PDLIM5: variants seen among roughly 807,000 people sequenced by gnomAD.
PDLIM5 encodes PDZ and LIM domain 5, also known as PDZ and LIM domain protein 5.
In PDLIM5, 34 loss-of-function variants were observed where a neutral mutation model predicts 64.2. The ratio of observed to expected loss-of-function variants is 0.53; its 90% CI spans 0.40 to 0.71. The LOEUF (loss-of-function observed/expected upper bound fraction) is 0.71, where lower values mean the gene tolerates loss of function less well. Among genes scored for constraint, PDLIM5 ranks in the 30% least tolerant of loss-of-function variants. PDLIM5 has a pLI of 0.00. For missense variants in PDLIM5, 683 were observed against 733.6 expected, an observed-to-expected ratio of 0.93 and a Z score of 0.80; for synonymous variants, 253 against 269.1, an observed-to-expected ratio of 0.94 and a Z score of 0.59.
chr4:94,571,058 T>C (rs1437412914), intron 3 of PDLIM5, among the ~76,000 whole-genome samples: 2 of 152,362 alleles, frequency 1.3e-5, no homozygotes, highest in East Asian at 3.9e-4. Flanking sequence ...ACTACATTAA[T>C]TAGTTAAAAA....
intron 2 of PDLIM5, among the ~76,000 whole-genome samples, chr4:94,498,283 T>G (rs1390191813): frequency 6.6e-6 from 1 of 152,176 alleles, no homozygotes; most frequent in African/African-American, 2.4e-5. Flanking sequence ...AAATGAAAAA[T>G]AAATTTATTT....
intron 2 of PDLIM5, among the ~76,000 whole-genome samples, chr4:94,471,391 TA>T (rs1006552729): frequency 9.2e-4 from 135 of 146,534 alleles, no homozygotes; most frequent in Admixed American, 1.3e-3. Context: ...TTTCTAGGCT[TA>T]AAAAAAAAAA....
chr4:94,582,844 C>T, intron 5 of PDLIM5: 1 of 722,088 alleles, frequency 1.4e-6, no homozygotes, highest in Non-Finnish European at 2.4e-6. Context: ...TAAGAATTTT[C>T]AAAAATGTTA....
Position 94,666,286 on chromosome 4 carries a change from A to C in PDLIM5, c.*2219A>C, listed in dbSNP as rs1743077302. 2 of 363,658 alleles carry C rather than the reference A, an allele frequency of 5.5e-6. No individual in the cohort carries two copies. The allele number at this position is 363,658 out of a possible 1,614,324, so 22.5% of individuals were successfully genotyped here. A position where few individuals can be genotyped will look rare whatever the true frequency, so the allele number is the denominator to read the frequency against. On this transcript the variant is annotated 3_prime_UTR_variant, in exon 13 of 13. Coordinates refer to ENST00000317968, the MANE Select transcript of PDLIM5 (RefSeq NM_006457.5). ...TTATATTATATGCAGATAATAATTA[A>C]CTGGGGATAAAAGAATGGCAAGGGG...
intron 9 of PDLIM5, among the ~76,000 whole-genome samples, chr4:94,647,417 A>G (rs962215594): frequency 5.3e-5 from 8 of 152,192 alleles, no homozygotes; most frequent in African/African-American, 1.9e-4. Flanking sequence ...AGTACATTTT[A>G]TAATGATAAA....
intron 2 of PDLIM5, among the ~76,000 whole-genome samples, chr4:94,475,966 A>T (rs1725287610): frequency 6.6e-6 from 1 of 152,184 alleles, no homozygotes; most frequent in South Asian, 2.1e-4. Context: ...CAGTTTTGTT[A>T]TGCCTTCTCT....
chr4:94,518,805 A>C (rs2433324), intron 2 of PDLIM5, among the ~76,000 whole-genome samples: 41,149 of 151,994 alleles, frequency 0.27, 5,642 homozygotes, highest in Non-Finnish European at 0.3. Context: ...TCACTTTCCA[A>C]CACCGGGGAC....
intron 7 of PDLIM5, among the ~76,000 whole-genome samples, chr4:94,604,364 T>C (rs1737741254): frequency 6.6e-6 from 1 of 152,196 alleles, no homozygotes; most frequent in South Asian, 2.1e-4. Flanking sequence ...CTGGGTGTGG[T>C]GGCTCACGCC....
At chr4:94,583,151 T>C (rs1338610470) in intron 5 of PDLIM5, among the ~76,000 whole-genome samples, 2 of 152,116 alleles carry the variant, frequency 1.3e-5, no homozygotes, top group Non-Finnish European at 2.9e-5. Context: ...ATTTTTCTTT[T>C]CTTTCATCAT....
intron 11 of PDLIM5, among the ~76,000 whole-genome samples, chr4:94,662,190 A>G (rs1026141502): frequency 2.0e-5 from 3 of 152,100 alleles, no homozygotes; most frequent in African/African-American, 4.8e-5. Flanking sequence ...ATGGAAAATT[A>G]TAATCAAGAA....
intron 9 of PDLIM5, among the ~76,000 whole-genome samples, chr4:94,640,706 G>A (rs1740941203): frequency 6.6e-6 from 1 of 151,976 alleles, no homozygotes; most frequent in Admixed American, 6.6e-5. Context: ...TAGAACTAAG[G>A]AAAAAGTGAT....
chr4:94,563,931 A>AT (rs1734050196), intron 3 of PDLIM5, among the ~76,000 whole-genome samples: 1 of 113,600 alleles, frequency 8.8e-6, no homozygotes, highest in Non-Finnish European at 2.0e-5. Flanking sequence ...GCATTTAGCA[A>AT]TTTTTCTTTT....
intron 7 of PDLIM5, among the ~76,000 whole-genome samples, chr4:94,596,281 T>C (rs1737061812): frequency 6.6e-6 from 1 of 152,166 alleles, no homozygotes; most frequent in Admixed American, 6.6e-5. Flanking sequence ...TAAAGATCTG[T>C]TATTTATAAA....
intron 5 of PDLIM5, chr4:94,579,142 G>A (rs1735532903): frequency 6.4e-6 from 1 of 155,618 alleles, no homozygotes; most frequent in African/African-American, 2.4e-5. Flanking sequence ...TCCTTCTTAT[G>A]AGTAAGGATT....
intron 3 of PDLIM5, among the ~76,000 whole-genome samples, chr4:94,553,242 G>T (rs1732970982): frequency 6.6e-6 from 1 of 152,004 alleles, no homozygotes; most frequent in South Asian, 2.1e-4. Flanking sequence ...CTGAGTACCT[G>T]GGATTACAGG....
intron 3 of PDLIM5, among the ~76,000 whole-genome samples, chr4:94,567,892 G>C (rs1734472708): frequency 6.6e-6 from 1 of 152,132 alleles, no homozygotes; most frequent in Non-Finnish European, 1.5e-5. Flanking sequence ...TGAATGGGTG[G>C]TATGGAAGTT....
chr4:94,629,847 T>C (rs758507762), intron 8 of PDLIM5, among the ~76,000 whole-genome samples: 1 of 152,154 alleles, frequency 6.6e-6, no homozygotes, highest in Non-Finnish European at 1.5e-5. Context: ...CACAATCGTC[T>C]CCAGAATGTA....
intron 1 of PDLIM5, among the ~76,000 whole-genome samples, chr4:94,454,657 A>C (rs1030772845): frequency 2.0e-5 from 3 of 152,244 alleles, no homozygotes; most frequent in Non-Finnish European, 4.4e-5. Flanking sequence ...GGAAAATACC[A>C]TGTCCCCATA....
At chr4:94,457,688 G>T (rs1723501442) in intron 2 of PDLIM5, among the ~76,000 whole-genome samples, 1 of 152,122 alleles carries the variant, frequency 6.6e-6, no homozygotes, top group African/African-American at 2.4e-5. Context: ...CTTTAAAAAA[G>T]TTTCATGTGC....
Sources: allele counts gnomAD v4.1 joint callset (sites outside exome capture counted in the v4.1 genomes callset), GRCh38; gene constraint gnomAD v4.1.1; transcripts MANE v1.5; gene names NCBI Gene and HGNC (gene_info 2026-07-23, HGNC 2026-07-21).